The following ERC2 variants were observed in gnomAD, a reference collection of about 807,000 sequenced individuals.
ERC2 encodes the protein ELKS/RAB6-interacting/CAST family member 2.
In ERC2, 42 loss-of-function variants were observed where a neutral mutation model predicts 114.8. That is an observed-to-expected ratio of 0.37 (90% CI 0.29 to 0.47). ERC2 has a LOEUF of 0.47. ERC2 is among the 20% of genes least tolerant of loss of function. ERC2 has a pLI of 0.99. For missense variants in ERC2, 939 were observed against 1,150.7 expected, an observed-to-expected ratio of 0.82 and a Z score of 2.66; for synonymous variants, 454 against 425.5, an observed-to-expected ratio of 1.07 and a Z score of -0.82.
chr3:56,312,005 G>C (rs1196999881), intron 2 of ERC2, among the ~76,000 whole-genome samples: 1 of 152,094 alleles, frequency 6.6e-6, no homozygotes, highest in African/African-American at 2.4e-5. Flanking sequence ...TATTTGCATA[G>C]CATTTACACT....
At chr3:56,300,138 G>A (rs968993405) in intron 2 of ERC2, among the ~76,000 whole-genome samples, 2 of 152,018 alleles carry the variant, frequency 1.3e-5, no homozygotes, top group Non-Finnish European at 2.9e-5. Context: ...ACGGGAGGGA[G>A]GAAGGATGGC....
intron 2 of ERC2, among the ~76,000 whole-genome samples, chr3:56,348,368 T>C (rs564147462): frequency 6.6e-6 from 1 of 152,078 alleles, no homozygotes; most frequent in Non-Finnish European, 1.5e-5. Flanking sequence ...TGCAACTACA[T>C]TCAGCCTCAA....
chr3:55,575,436 C>A (rs568369457), intron 17 of ERC2, among the ~76,000 whole-genome samples: 1 of 152,322 alleles, frequency 6.6e-6, no homozygotes, highest in South Asian at 2.1e-4. Flanking sequence ...TGGTTCAAAT[C>A]TTGGCTGCTT....
intron 17 of ERC2, among the ~76,000 whole-genome samples, chr3:55,534,821 A>G (rs887302415): frequency 3.0e-4 from 45 of 152,216 alleles, no homozygotes; most frequent in African/African-American, 1.1e-3. Context: ...AAGGAGCACA[A>G]GGTGATGACA....
intron 2 of ERC2, among the ~76,000 whole-genome samples, chr3:56,387,662 T>C (rs1362013278): frequency 6.6e-6 from 1 of 152,210 alleles, no homozygotes; most frequent in African/African-American, 2.4e-5. Flanking sequence ...ACCTCTCTAG[T>C]TGAGCTCTTC....
intron 17 of ERC2, among the ~76,000 whole-genome samples, chr3:55,647,829 C>T (rs1206943284): frequency 2.6e-5 from 4 of 152,188 alleles, no homozygotes; most frequent in South Asian, 2.1e-4. Context: ...AGAAACTCAG[C>T]GATGAAGGCA....
intron 7 of ERC2, among the ~76,000 whole-genome samples, chr3:56,040,663 C>G: frequency 2.0e-5 from 1 of 48,968 alleles, no homozygotes; most frequent in African/African-American, 8.8e-5. Context: ...TGTATATATA[C>G]ATATATAGAT....
intron 2 of ERC2, among the ~76,000 whole-genome samples, chr3:56,359,749 G>A (rs2058878390): frequency 2.6e-5 from 4 of 152,164 alleles, no homozygotes; most frequent in Admixed American, 6.5e-5. Context: ...CCACCCATGG[G>A]GGAAGGCAAC....
chr3:55,530,019 A>G (rs1413411362), intron 17 of ERC2, among the ~76,000 whole-genome samples: 1 of 152,206 alleles, frequency 6.6e-6, no homozygotes, highest in African/African-American at 2.4e-5. Context: ...TCCTAAAGCA[A>G]GAGGAATAAA....
intron 13 of ERC2, among the ~76,000 whole-genome samples, chr3:55,914,424 C>T (rs913073756): frequency 2.6e-5 from 4 of 152,158 alleles, no homozygotes; most frequent in African/African-American, 4.8e-5. Context: ...TCACAGGCCA[C>T]GAATCTGCTT....
At chr3:56,377,659 C>T (rs560800764) in intron 2 of ERC2, among the ~76,000 whole-genome samples, 24 of 152,220 alleles carry the variant, frequency 1.6e-4, no homozygotes, top group Admixed American at 3.9e-4. Context: ...GAGATCATAT[C>T]GTATTAAAAA....
At chr3:56,301,614 T>G (rs34699897) in intron 2 of ERC2, among the ~76,000 whole-genome samples, 37,862 of 152,004 alleles carry the variant, frequency 0.25, 5,179 homozygotes, top group Non-Finnish European at 0.3. Context: ...CATATGCCTA[T>G]AGTCCCAGCT....
At chr3:55,653,489 G>A (rs2060727477) in intron 17 of ERC2, among the ~76,000 whole-genome samples, 1 of 151,926 alleles carries the variant, frequency 6.6e-6, no homozygotes, top group Non-Finnish European at 1.5e-5. Context: ...GATGTGGAAA[G>A]AAGTCCACAA....
At chr3:55,514,432 A>C (rs1172999997) in intron 17 of ERC2, among the ~76,000 whole-genome samples, 2 of 152,166 alleles carry the variant, frequency 1.3e-5, no homozygotes, top group Non-Finnish European at 2.9e-5. Flanking sequence ...CAAGAGTAAG[A>C]CCTTGTCTAA....
intron 17 of ERC2, among the ~76,000 whole-genome samples, chr3:55,641,549 CAAAAAAAAAAAAAAAAAA>C (rs57407975): frequency 0.05 from 1,427 of 28,516 alleles, 52 homozygotes; most frequent in Middle Eastern, 0.14. Flanking sequence ...GATTCTATCT[CAAAAAAAAAAAAAAAAAA>C]AAAAAAAAAA....
At chr3:55,585,033 G>A (rs1424948511) in intron 17 of ERC2, among the ~76,000 whole-genome samples, 5 of 152,202 alleles carry the variant, frequency 3.3e-5, no homozygotes, top group Non-Finnish European at 5.9e-5. Flanking sequence ...CCATTTGGTG[G>A]GGAGAAGCTC....
rs139560256 is a variant in ERC2, at chr3:56,141,241, G to A, written c.1306-1565C>T. Among the ~76,000 whole-genome samples the A allele has an allele frequency of 2.0e-3, 302 of 152,104 alleles. 3 individuals carry two copies. The highest frequency in any genetic ancestry group is 7.1e-3 in the African/African-American group (293 of 41,474). On this transcript the variant is annotated intron_variant, in intron 5 of 17. Transcript: ENST00000288221. ...TCCTTCCTACTTGTACACAAATGTC[G>A]CTCCTCACAACTAGAGCTGAAGTTT... is the stretch of plus-strand genomic sequence containing the variant.
chr3:56,020,435 G>A (rs558751689), intron 7 of ERC2, among the ~76,000 whole-genome samples: 1 of 152,120 alleles, frequency 6.6e-6, no homozygotes, highest in East Asian at 1.9e-4. Flanking sequence ...CCATCCAGCT[G>A]CCACTGTGAA....
At chr3:56,290,056 A>G (rs1055770241) in intron 3 of ERC2, among the ~76,000 whole-genome samples, 1 of 152,208 alleles carries the variant, frequency 6.6e-6, no homozygotes, top group South Asian at 2.1e-4. Context: ...CAAAATTGCC[A>G]CTGATACTCC....
Sources: allele counts gnomAD v4.1 joint callset (sites outside exome capture counted in the v4.1 genomes callset), GRCh38; gene constraint gnomAD v4.1.1; transcripts MANE v1.5; gene names NCBI Gene and HGNC (gene_info 2026-07-23, HGNC 2026-07-21).